ST18: variants seen among roughly 807,000 people sequenced by gnomAD.
ST18 encodes ST18 C2H2C-type zinc finger transcription factor.
ST18 carries 50 observed loss-of-function variants against 110.0 expected under a neutral mutation model. The observed-to-expected ratio is 0.45, with a 90% CI of 0.36 to 0.58. The LOEUF (loss-of-function observed/expected upper bound fraction) is 0.58. Ranked by LOEUF, ST18 falls within the 20% of genes least tolerant of loss-of-function variation. The pLI, the probability that ST18 is intolerant of heterozygous loss-of-function variation, is 0.00. For synonymous variants in ST18, 461 were observed against 452.4 expected, an observed-to-expected ratio of 1.02 and a Z score of -0.24; for missense variants, 1,306 against 1,280.1, an observed-to-expected ratio of 1.02 and a Z score of -0.31.
chr8:52,267,886 T>A (rs1478675893), intron 2 of ST18, among the ~76,000 whole-genome samples: 1 of 152,202 alleles, frequency 6.6e-6, no homozygotes, highest in East Asian at 1.9e-4. Flanking sequence ...AACTGCTGTC[T>A]CATTTCCACT....
At chr8:52,130,482 A>T (rs1375822135) in intron 22 of ST18, among the ~76,000 whole-genome samples, 1 of 152,154 alleles carries the variant, frequency 6.6e-6, no homozygotes, top group Non-Finnish European at 1.5e-5. Context: ...CTCCACTGTT[A>T]GTGGGCACCA....
Position 52,372,923 on chromosome 8 carries a change from G to A in ST18, c.-465+36405C>T, listed in dbSNP as rs1830776120. The stretch of plus-strand genomic sequence containing the variant: ...AATGTTTATTGTACAGAGCATACCT[G>A]AATTTTTTCAAAATAAAAAATTATA... On this transcript the variant is annotated intron_variant, in intron 2 of 25. Coordinates refer to ENST00000689386, the MANE Select transcript of ST18 (RefSeq NM_001352837.2). Among the ~76,000 whole-genome samples the A allele has an allele frequency of 3.3e-5, 5 of 152,302 alleles. No homozygotes were observed. In the South Asian group the frequency reaches 1.0e-3, roughly 32 times the overall value.
chr8:52,233,921 A>T (rs1250663790), intron 2 of ST18, among the ~76,000 whole-genome samples: 1 of 152,172 alleles, frequency 6.6e-6, no homozygotes, highest in East Asian at 1.9e-4. Flanking sequence ...TAATTTGTAC[A>T]TCCATCACCT....
intron 8 of ST18, among the ~76,000 whole-genome samples, chr8:52,181,955 C>T (rs985179499): frequency 1.3e-5 from 2 of 151,960 alleles, no homozygotes; most frequent in Non-Finnish European, 2.9e-5. Context: ...CCTCTTGAAC[C>T]TCCTGAAGAG....
rs148310413 is a variant in ST18, at chr8:52,124,925, T to C, written c.2755+1127A>G. On this transcript the variant is annotated intron_variant, in intron 23 of 25. Coordinates refer to ENST00000689386, the MANE Select transcript of ST18 (RefSeq NM_001352837.2). Reference sequence around the variant, plus strand: ...AAATCACACACACAAATTAAAAAGATTGAGCAATGCTTTCAGGGAAAGTAG... The same window carrying C: ...AAATCACACACACAAATTAAAAAGACTGAGCAATGCTTTCAGGGAAAGTAG... Among the ~76,000 whole-genome samples the C allele has an allele frequency of 6.1e-3, 935 of 152,264 alleles. 18 individuals are homozygous for C. Among genetic ancestry groups the C allele is most frequent in the African/African-American group, 0.022 (897 of 41,550 alleles).
intron 2 of ST18, among the ~76,000 whole-genome samples, chr8:52,297,139 A>G (rs2095647897): frequency 6.6e-6 from 1 of 152,250 alleles, no homozygotes; most frequent in African/African-American, 2.4e-5. Context: ...CACAGGGACC[A>G]GCCGCAGCCC....
At chr8:52,169,034 A>G (rs1587608018) in intron 10 of ST18, among the ~76,000 whole-genome samples, 2 of 152,050 alleles carry the variant, frequency 1.3e-5, no homozygotes, top group East Asian at 1.9e-4. Context: ...TCCTCGCCAC[A>G]CTGTTTGTCT....
intron 13 of ST18, among the ~76,000 whole-genome samples, chr8:52,162,151 C>T (rs538943613): frequency 1.3e-5 from 2 of 152,112 alleles, no homozygotes; most frequent in Non-Finnish European, 2.9e-5. Flanking sequence ...GCGGAGGTTG[C>T]AGTGAACTGA....
At chr8:52,368,994 A>G (rs1243262497) in intron 2 of ST18, among the ~76,000 whole-genome samples, 1 of 152,114 alleles carries the variant, frequency 6.6e-6, no homozygotes, top group African/African-American at 2.4e-5. Flanking sequence ...AACAGCAAAA[A>G]GGGCCAGAAA....
rs1564568848 is a variant in ST18, at chr8:52,357,721, ATATATATAT to A, written c.-465+51598_-465+51606del. Among the ~76,000 whole-genome samples the A allele has an allele frequency of 1.0e-4, 8 of 80,222 alleles. No individual in the cohort carries two copies. In the East Asian group the frequency reaches 1.3e-3, roughly 13 times the overall value. The allele number at this position is 80,222 out of a possible 152,430, so 52.6% of individuals were successfully genotyped here. A position where few individuals can be genotyped will look rare whatever the true frequency, so the allele number is the denominator to read the frequency against. ...TATATATATATATATATATATATAT[ATATATATAT>A]AAAACAGACTCAAAGGGAGAAATAG... On this transcript the variant is annotated intron_variant, in intron 2 of 25. Coordinates refer to ENST00000689386, the MANE Select transcript of ST18 (RefSeq NM_001352837.2).
intron 10 of ST18, among the ~76,000 whole-genome samples, chr8:52,167,751 G>A (rs922664047): frequency 1.3e-5 from 2 of 152,116 alleles, no homozygotes; most frequent in Non-Finnish European, 2.9e-5. Context: ...GCAGGCCACC[G>A]AGCAGCGGTC....
intron 6 of ST18, among the ~76,000 whole-genome samples, chr8:52,217,057 CT>C (rs1292005376): frequency 1.3e-5 from 2 of 152,262 alleles, no homozygotes; most frequent in East Asian, 3.9e-4. Flanking sequence ...TTTCTTCCCC[CT>C]GGAAAAGAAG....
rs182768326 is a variant in ST18 at position 52,165,170 on chromosome 8, C to T, written c.1260G>A (p.Arg420=). 1.9e-6 allele frequency: 3 copies of T among 1,614,008 alleles called. No individual in the cohort carries two copies. Among genetic ancestry groups the T allele is most frequent in the East Asian group, 2.2e-5 (1 of 44,894 alleles). ...TGTTGCGGTTGCTGTTCACATGACC[C>T]CTTCCTGTGCATCCCGGCGTGGGAC... ...LKCPTPGCTG[R]GHVNSNRNTH... The change falls in exon 12 of 26, where the codon AGG becomes AGA. Residue 420 remains arginine, a synonymous_variant. Transcript: ENST00000689386.
intron 2 of ST18, among the ~76,000 whole-genome samples, chr8:52,350,948 C>T (rs1262133182): frequency 6.6e-6 from 1 of 151,988 alleles, no homozygotes. Context: ...TCTCTATCTC[C>T]TGACCTCATC....
chr8:52,294,917 T>C (rs2095608771), intron 2 of ST18, among the ~76,000 whole-genome samples: 1 of 152,228 alleles, frequency 6.6e-6, no homozygotes, highest in African/African-American at 2.4e-5. Context: ...TTCTCACATA[T>C]ATTTGTAAGT....
At chr8:52,155,668 C>T (rs901059984) in intron 15 of ST18, among the ~76,000 whole-genome samples, 3 of 152,128 alleles carry the variant, frequency 2.0e-5, no homozygotes, top group Non-Finnish European at 4.4e-5. Context: ...TCCATATCAT[C>T]CTTCGTTATA....
At chr8:52,244,349 T>C (rs905527025) in intron 2 of ST18, among the ~76,000 whole-genome samples, 6 of 152,312 alleles carry the variant, frequency 3.9e-5, no homozygotes, top group African/African-American at 1.4e-4. Context: ...GGATATTCTA[T>C]TAGTTCTGAA....
chr8:52,245,002 G>T (rs548307237), intron 2 of ST18, among the ~76,000 whole-genome samples: 1 of 152,186 alleles, frequency 6.6e-6, no homozygotes, highest in South Asian at 2.1e-4. Flanking sequence ...CATATTGTCA[G>T]CCTCAATCTT....
chr8:52,283,232 G>T (rs139282193), intron 2 of ST18, among the ~76,000 whole-genome samples: 116 of 152,324 alleles, frequency 7.6e-4, no homozygotes, highest in African/African-American at 2.7e-3. Flanking sequence ...CCCCAGCTGA[G>T]GCAAAGATAA....
Sources: allele counts gnomAD v4.1 joint callset (sites outside exome capture counted in the v4.1 genomes callset), GRCh38; gene constraint gnomAD v4.1.1; transcripts MANE v1.5; gene names NCBI Gene and HGNC (gene_info 2026-07-23, HGNC 2026-07-21).